TMEM232: variants seen among roughly 807,000 people sequenced by gnomAD.
TMEM232 encodes the protein transmembrane protein 232.
In TMEM232, 80 loss-of-function variants were observed where a neutral mutation model predicts 78.8. The observed-to-expected ratio is 1.01, with a 90% CI of 0.85 to 1.22. The LOEUF is 1.22. Ranked by LOEUF, TMEM232 falls within the 50% of genes most tolerant of loss-of-function variation. TMEM232 has a pLI of 0.00. For missense variants in TMEM232, 881 were observed against 742.2 expected, an observed-to-expected ratio of 1.19 and a Z score of -2.17; for synonymous variants, 297 against 254.3, an observed-to-expected ratio of 1.17 and a Z score of -1.60.
chr5:110,612,175 A>ACTC lies in TMEM232; in HGVS notation c.903-5889_903-5888insGAG, dbSNP rs947149442. ...TTGCTGTTATCTCGATATAACTGCT[A>ACTC]AACAGACCCTGGGGTTCATAGGGGT... On this transcript the variant is annotated intron_variant, in intron 8 of 13. Transcript: ENST00000455884. Among the ~76,000 whole-genome samples, 15 of 152,174 alleles carry ACTC rather than the reference A, an allele frequency of 9.9e-5. 1 individual carries two copies. The highest frequency in any genetic ancestry group is 4.6e-4 in the Admixed American group (7 of 15,248).
At chr5:110,683,505 A>T (rs960937383) in intron 1 of TMEM232, among the ~76,000 whole-genome samples, 6 of 151,958 alleles carry the variant, frequency 3.9e-5, no homozygotes, top group Non-Finnish European at 7.4e-5. Context: ...TAATCAAAAG[A>T]ATAACCAGCA....
chr5:110,562,392 C>G (rs1321146144), intron 11 of TMEM232, among the ~76,000 whole-genome samples: 2 of 152,094 alleles, frequency 1.3e-5, no homozygotes, highest in African/African-American at 2.4e-5. Flanking sequence ...TTCTTATCTG[C>G]AAGATGCTCT....
intron 5 of TMEM232, among the ~76,000 whole-genome samples, chr5:110,636,827 G>T (rs1393139807): frequency 1.3e-5 from 2 of 152,062 alleles, no homozygotes; most frequent in African/African-American, 4.8e-5. Context: ...ACATAGTTAA[G>T]TAAGGTTTAA....
intron 10 of TMEM232, among the ~76,000 whole-genome samples, chr5:110,568,855 T>C (rs757638873): frequency 1.3e-4 from 19 of 151,912 alleles, no homozygotes; most frequent in Middle Eastern, 3.2e-3. Context: ...AAACTGCACC[T>C]AACTGGTATA....
chr5:110,707,133 C>A (rs912524612), intron 1 of TMEM232, among the ~76,000 whole-genome samples: 1 of 152,152 alleles, frequency 6.6e-6, no homozygotes, highest in Admixed American at 6.6e-5. Context: ...TCCTCCCTTG[C>A]AGGAACACCA....
At chr5:110,562,015 T>C (rs541915652) in intron 11 of TMEM232, among the ~76,000 whole-genome samples, 2 of 152,148 alleles carry the variant, frequency 1.3e-5, no homozygotes, top group South Asian at 2.1e-4. Context: ...ATGAGCAAGG[T>C]GTGGTCGTAC....
At chr5:110,429,199 C>T (rs1757561880) in intron 12 of TMEM232, among the ~76,000 whole-genome samples, 2 of 151,592 alleles carry the variant, frequency 1.3e-5, no homozygotes, top group Non-Finnish European at 1.5e-5. Flanking sequence ...ATGTTTCTTT[C>T]GAGTAGAAAG....
intron 11 of TMEM232, among the ~76,000 whole-genome samples, chr5:110,551,708 A>G (rs572643150): frequency 2.9e-4 from 44 of 152,344 alleles, no homozygotes; most frequent in African/African-American, 9.9e-4. Context: ...GATTTATCTT[A>G]TTAACATTTC....
rs370709897 is a variant in TMEM232 at position 110,459,126 on chromosome 5, A to G, written c.1704-34210T>C. Among the ~76,000 whole-genome samples, 6 of 152,274 alleles carry G rather than the reference A, an allele frequency of 3.9e-5. No homozygotes were observed. The East Asian group carries it at 1.2e-3, about 29-fold the overall frequency. ...ACCAGCCTTGTTATTTTGTTTACAT[A>G]TTTCCCTGTAGCAAATATAAATATT... On this transcript the variant is annotated intron_variant, in intron 12 of 13. Coordinates refer to ENST00000455884, the MANE Select transcript of TMEM232 (RefSeq NM_001039763.4).
Position 110,605,463 on chromosome 5 carries a change from T to C in TMEM232, c.1027-105A>G, listed in dbSNP as rs1357218867. ...GTTAAAAGACCATAATAAACTAATA[T>C]ATCTAAATGTGTTCATTAAAAAATG... On this transcript the variant is annotated intron_variant, in intron 9 of 13. Transcript: ENST00000455884. 4 of 1,267,470 alleles carry C rather than the reference T, an allele frequency of 3.2e-6. No individual in the cohort carries two copies. In the African/African-American group the frequency reaches 4.6e-5, roughly 15 times the overall value. 78.5% of individuals were successfully genotyped at this position (1,267,470 alleles called of 1,614,324 possible).
intron 2 of TMEM232, among the ~76,000 whole-genome samples, chr5:110,664,093 T>C (rs1226579590): frequency 3.3e-5 from 5 of 152,238 alleles, no homozygotes; most frequent in African/African-American, 1.2e-4. Context: ...TGAGCTACGA[T>C]TGTGCCACTG....
chr5:110,685,579 A>G (rs1456507291), intron 1 of TMEM232, among the ~76,000 whole-genome samples: 1 of 152,120 alleles, frequency 6.6e-6, no homozygotes, highest in Non-Finnish European at 1.5e-5. Flanking sequence ...AGCTATAACA[A>G]TGTAGGAAAT....
In TMEM232 at chr5:110,471,860, AAGAG is replaced by A. The variant is rs1263721477; in HGVS notation, c.1704-46948_1704-46945del. ...TTTAAGCCAGACTAAGAAGTCAAAA[AAGAG>A]AGAAGACTCAAAGAAATCAAATCAA... On this transcript the variant is annotated intron_variant, in intron 12 of 13. Transcript: ENST00000455884. Among the ~76,000 whole-genome samples, 3 of 152,114 alleles carry A rather than the reference AAGAG, an allele frequency of 2.0e-5. No homozygotes were observed. In the East Asian group the frequency reaches 5.8e-4, roughly 29 times the overall value.
At chr5:110,619,853 A>C (rs1045771464) in intron 7 of TMEM232, among the ~76,000 whole-genome samples, 1 of 152,290 alleles carries the variant, frequency 6.6e-6, no homozygotes, top group South Asian at 2.1e-4. Context: ...CCAAGATGGC[A>C]CATGTATACA....
At chr5:110,629,256 C>A (rs1784815333) in intron 5 of TMEM232, among the ~76,000 whole-genome samples, 1 of 151,760 alleles carries the variant, frequency 6.6e-6, no homozygotes, top group East Asian at 1.9e-4. Context: ...ATATAATATT[C>A]AAAAATGTAA....
At chr5:110,692,514 C>T (rs1449667689) in intron 1 of TMEM232, among the ~76,000 whole-genome samples, 2 of 152,192 alleles carry the variant, frequency 1.3e-5, no homozygotes, top group African/African-American at 2.4e-5. Context: ...TCGCCTCACA[C>T]AGGAAGCGCA....
intron 12 of TMEM232, among the ~76,000 whole-genome samples, chr5:110,460,311 G>T (rs1204097414): frequency 6.6e-6 from 1 of 150,878 alleles, no homozygotes; most frequent in Non-Finnish European, 1.5e-5. Context: ...GTGTGTGTGT[G>T]TATGTGTGTG....
intron 1 of TMEM232, among the ~76,000 whole-genome samples, chr5:110,706,947 T>C (rs1329653658): frequency 1.3e-5 from 2 of 152,162 alleles, no homozygotes; most frequent in Non-Finnish European, 2.9e-5. Context: ...AATGCTATAA[T>C]TCTAAAAAAT....
At position 110,596,805 on chromosome 5, in the gene TMEM232, A is replaced by C. The variant is rs142472043; in HGVS notation, c.1276+8304T>G. Among the ~76,000 whole-genome samples, 362 of 152,296 alleles carry C rather than the reference A, an allele frequency of 2.4e-3. 2 individuals carry two copies. Among genetic ancestry groups the C allele is most frequent in the African/African-American group, 8.1e-3 (335 of 41,546 alleles). ...TAGATGCAGAAAAGGCCTTTGACAA[A>C]ATGCAACAACTCTTTATGCTAAAAA... is the stretch of plus-strand genomic sequence containing the variant. On this transcript the variant is annotated intron_variant, in intron 10 of 13. Transcript: ENST00000455884.
Sources: gnomAD v4.1 joint callset for allele counts (sites outside exome capture counted in the v4.1 genomes callset) on GRCh38, gnomAD v4.1.1 for gene constraint, MANE v1.5 for transcripts, NCBI Gene and HGNC (gene_info 2026-07-23, HGNC 2026-07-21) for gene names.